The following ATP11A variants were observed in gnomAD, a reference collection of about 807,000 sequenced individuals.
ATP11A encodes the protein ATPase phospholipid transporting 11A.
A neutral mutation model predicts 154.4 loss-of-function variants in ATP11A; 81 were observed. The ratio of observed to expected loss-of-function variants is 0.52; its 90% CI spans 0.44 to 0.63. ATP11A has a LOEUF of 0.63. ATP11A is among the 30% of genes least tolerant of loss of function. ATP11A has a pLI of 0.00. For synonymous variants in ATP11A, 623 were observed against 585.9 expected, an observed-to-expected ratio of 1.06 and a Z score of -0.91; for missense variants, 1,316 against 1,474.3, an observed-to-expected ratio of 0.89 and a Z score of 1.76.
At chr13:112,823,942 A>G (rs2078865223) in intron 9 of ATP11A, among the ~76,000 whole-genome samples, 1 of 152,128 alleles carries the variant, frequency 6.6e-6, no homozygotes, top group African/African-American at 2.4e-5. Context: ...ATCATCTTAG[A>G]TTACTTCTGA....
intron 25 of ATP11A, among the ~76,000 whole-genome samples, chr13:112,866,052 A>G (rs1450836116): frequency 6.6e-6 from 1 of 152,150 alleles, no homozygotes; most frequent in Non-Finnish European, 1.5e-5. Flanking sequence ...TCTAGCAGAC[A>G]TTCACTCTCT....
intron 1 of ATP11A, among the ~76,000 whole-genome samples, chr13:112,724,472 C>G (rs1281100077): frequency 6.9e-6 from 1 of 145,850 alleles, no homozygotes; most frequent in East Asian, 2.0e-4. Flanking sequence ...AGCCCCCTGT[C>G]CCCGTGGAGC....
intron 25 of ATP11A, among the ~76,000 whole-genome samples, chr13:112,864,858 C>T (rs1175693401): frequency 2.5e-5 from 2 of 80,066 alleles, no homozygotes; most frequent in Non-Finnish European, 5.1e-5. Flanking sequence ...CGGGATCCAT[C>T]ACCACCTGCG....
intron 1 of ATP11A, among the ~76,000 whole-genome samples, chr13:112,761,464 A>G (rs1269820091): frequency 2.0e-5 from 3 of 152,184 alleles, no homozygotes; most frequent in Non-Finnish European, 4.4e-5. Context: ...TACTGTGCCT[A>G]ATTTATAAAT....
chr13:112,796,106 T>C (rs961235289), intron 2 of ATP11A, among the ~76,000 whole-genome samples: 1 of 152,238 alleles, frequency 6.6e-6, no homozygotes, highest in African/African-American at 2.4e-5. Flanking sequence ...TCTGGTGTTT[T>C]TGTTTGCTTT....
At chr13:112,789,584 G>A (rs1390011521) in intron 2 of ATP11A, among the ~76,000 whole-genome samples, 7 of 140,158 alleles carry the variant, frequency 5.0e-5, no homozygotes, top group African/African-American at 2.1e-4. Flanking sequence ...TCACACCGGT[G>A]TCCTGACGCG....
intron 26 of ATP11A, among the ~76,000 whole-genome samples, chr13:112,872,005 G>A (rs769235787): frequency 9.2e-5 from 14 of 152,056 alleles, no homozygotes; most frequent in African/African-American, 1.2e-4. Flanking sequence ...CAGCACACCC[G>A]GCCACCCCAT....
At chr13:112,871,667 C>T (rs2080524714) in intron 25 of ATP11A, 68 bp from the exon 26 acceptor site, 1 of 1,474,140 alleles carries the variant, frequency 6.8e-7, no homozygotes, top group Middle Eastern at 1.7e-4. Flanking sequence ...TTTTCTAAAA[C>T]TCTTGATTGT....
chr13:112,854,034 T>TCTCACATGTTTGATCCA (rs2079850914), intron 18 of ATP11A, among the ~76,000 whole-genome samples: 1 of 152,136 alleles, frequency 6.6e-6, no homozygotes. Flanking sequence ...GCCCTTTACT[T>TCTCACATGTTTGATCCA]CTCACATGTT....
chr13:112,851,792 G>A (rs1447579641), intron 18 of ATP11A: 1 of 152,244 alleles, frequency 6.6e-6, no homozygotes, highest in Non-Finnish European at 1.5e-5. Flanking sequence ...GAAAGTGCTG[G>A]AATTGCAGGC....
At chr13:112,834,781 C>G (rs1166238629) in intron 15 of ATP11A, 121 bp downstream of exon 15, 1 of 750,944 alleles carries the variant, frequency 1.3e-6, no homozygotes, top group Non-Finnish European at 2.2e-6. Context: ...CGCTTCCTCT[C>G]CTTCCCAGTG....
intron 28 of ATP11A, among the ~76,000 whole-genome samples, chr13:112,876,492 C>T (rs1049233639): frequency 6.6e-6 from 1 of 152,112 alleles, no homozygotes; most frequent in Non-Finnish European, 1.5e-5. Context: ...CTGGCCTCTG[C>T]CTTCAAGCTC....
At chr13:112,810,551 C>G (rs1011929644) in intron 4 of ATP11A, 68 bp from the exon 5 acceptor site, 12 of 1,300,160 alleles carry the variant, frequency 9.2e-6, no homozygotes, top group Admixed American at 1.7e-5. Context: ...CCTTCTGTCT[C>G]TCCCTCCCTT....
chr13:112,799,026 A>T (rs1444573879), intron 2 of ATP11A, among the ~76,000 whole-genome samples: 1 of 152,228 alleles, frequency 6.6e-6, no homozygotes, highest in Non-Finnish European at 1.5e-5. Context: ...ATTTCAGACA[A>T]AGCAGACTTC....
At chr13:112,706,600 T>C (rs1410238714) in intron 1 of ATP11A, among the ~76,000 whole-genome samples, 1 of 152,256 alleles carries the variant, frequency 6.6e-6, no homozygotes, top group East Asian at 1.9e-4. Flanking sequence ...TATGAAGAAA[T>C]AGATTGATTA....
intron 28 of ATP11A, among the ~76,000 whole-genome samples, chr13:112,878,006 G>A (rs921077661): frequency 6.6e-6 from 1 of 152,222 alleles, no homozygotes; most frequent in African/African-American, 2.4e-5. Flanking sequence ...AGCAGGGGGT[G>A]GGAGGGGCTG....
intron 25 of ATP11A, among the ~76,000 whole-genome samples, chr13:112,866,042 T>C (rs1046636206): frequency 4.6e-5 from 7 of 152,246 alleles, no homozygotes; most frequent in Non-Finnish European, 1.0e-4. Context: ...TTTGTAGTTT[T>C]CTAGCAGACA....
chr13:112,702,601 C>T (rs993938517), intron 1 of ATP11A, among the ~76,000 whole-genome samples: 2 of 152,234 alleles, frequency 1.3e-5, no homozygotes, highest in African/African-American at 4.8e-5. Context: ...CTCTGGGTGG[C>T]CTTGGCCGGG....
chr13:112,727,952 T>C lies in ATP11A; in HGVS notation c.39+37497T>C, dbSNP rs142820483. Reference sequence around the variant, plus strand: ...GAACTCAGAGTGAATGAGAGATCGATACATGTAGGGTTCCAGCAAGGGCCG... The same window carrying C: ...GAACTCAGAGTGAATGAGAGATCGACACATGTAGGGTTCCAGCAAGGGCCG... On this transcript the variant is annotated intron_variant, in intron 1 of 29. Coordinates refer to ENST00000375645, the MANE Select transcript of ATP11A (RefSeq NM_015205.3). Among the ~76,000 whole-genome samples the C allele has an allele frequency of 2.6e-4, 39 of 152,310 alleles. No homozygotes were observed. The East Asian group carries it at 7.5e-3, about 29-fold the overall frequency.
Sources: gnomAD v4.1 joint callset for allele counts (sites outside exome capture counted in the v4.1 genomes callset) on GRCh38, gnomAD v4.1.1 for gene constraint, MANE v1.5 for transcripts, NCBI Gene and HGNC (gene_info 2026-07-23, HGNC 2026-07-21) for gene names.